Variants in NPHP1 observed in about 807,000 individuals in gnomAD.
NPHP1 encodes the protein nephrocystin-1.
In NPHP1, 70 loss-of-function variants were observed where a neutral mutation model predicts 90.4. The observed-to-expected ratio is 0.77, with a 90% CI of 0.64 to 0.95. The LOEUF (loss-of-function observed/expected upper bound fraction) is 0.95, where lower values mean the gene tolerates loss of function less well. NPHP1 is among the 40% of genes least tolerant of loss of function. The pLI, the probability that NPHP1 is intolerant of heterozygous loss-of-function variation, is 0.00. For missense variants in NPHP1, 764 were observed against 795.9 expected (o/e 0.96, Z 0.48); for synonymous variants, 256 against 271.7 (o/e 0.94, Z 0.57).
At chr2:110,168,241 G>A (rs1682850316) in intron 6 of NPHP1, among the ~76,000 whole-genome samples, 1 of 152,124 alleles carries the variant, frequency 6.6e-6, no homozygotes, top group African/African-American at 2.4e-5. Context: ...GTGAGATCAC[G>A]TTCCAGGGCT....
chr2:110,178,192 T>C (rs751638917), intron 4 of NPHP1: 6 of 534,818 alleles, frequency 1.1e-5, no homozygotes, highest in East Asian at 2.9e-5. Context: ...ATCTCTGTTT[T>C]GTTTCAACTA....
At chr2:110,152,934 A>G (rs10168630) in intron 11 of NPHP1, among the ~76,000 whole-genome samples, 58,700 of 151,744 alleles carry the variant, frequency 0.39, 12,111 homozygotes, top group East Asian at 0.58. Context: ...CCCAAATTTG[A>G]CAAAAGACAT....
intron 4 of NPHP1, among the ~76,000 whole-genome samples, chr2:110,170,746 C>T (rs1261453726): frequency 6.6e-6 from 1 of 151,938 alleles, no homozygotes; most frequent in Non-Finnish European, 1.5e-5. Flanking sequence ...ACCCAGGTTG[C>T]ACGAATGGGA....
chr2:110,138,450 G>C (rs1680375603), intron 16 of NPHP1, among the ~76,000 whole-genome samples: 1 of 152,094 alleles, frequency 6.6e-6, no homozygotes, highest in Admixed American at 6.6e-5. Flanking sequence ...TGATACATAA[G>C]GTCAGAAACT....
rs1203047173 is a variant in NPHP1 at position 110,135,426 on chromosome 2, G to A, written c.1530-3635C>T. Among the ~76,000 whole-genome samples, 2 of 133,812 alleles carry A rather than the reference G, an allele frequency of 1.5e-5. 1 individual carries two copies. Among genetic ancestry groups the A allele is most frequent in the East Asian group, 4.4e-4 (2 of 4,508 alleles). 87.8% of individuals were successfully genotyped at this position (133,812 alleles called of 152,430 possible). On this transcript the variant is annotated intron_variant, in intron 16 of 19. Transcript: ENST00000445609. ...CGGGAGGCGGAGCTTGCAGTGAGCC[G>A]AGATTGCGCCACCGCACTCCAACCT...
chr2:110,157,680 G>A (rs138225168), intron 11 of NPHP1, among the ~76,000 whole-genome samples: 12 of 152,064 alleles, frequency 7.9e-5, no homozygotes, highest in Admixed American at 1.3e-4. Flanking sequence ...ACCAAGCTTC[G>A]TTGATTTTTA....
At chr2:110,125,737 A>T in intron 18 of NPHP1, 56 bp from the exon 19 acceptor site, 1 of 1,387,594 alleles carries the variant, frequency 7.2e-7, no homozygotes, top group Non-Finnish European at 1.0e-6. Context: ...TCCTTGCAAC[A>T]CTTATGCAAA....
chr2:110,204,744 G>T (rs1207346671), intron 1 of NPHP1, among the ~76,000 whole-genome samples, 156 bp downstream of exon 1: 1 of 151,774 alleles, frequency 6.6e-6, no homozygotes, highest in Non-Finnish European at 1.5e-5. Context: ...TTGGGTGCTG[G>T]AATGTTATGG....
chr2:110,167,130 T>C (rs961911524), intron 6 of NPHP1, among the ~76,000 whole-genome samples: 2 of 152,148 alleles, frequency 1.3e-5, no homozygotes, highest in Non-Finnish European at 2.9e-5. Flanking sequence ...GAAAAACATG[T>C]ATTTGTTCTT....
At chr2:110,129,131 G>T in intron 18 of NPHP1, 55 bp downstream of exon 18, 1 of 1,308,742 alleles carries the variant, frequency 7.6e-7, no homozygotes, top group Non-Finnish European at 1.1e-6. Flanking sequence ...TTAACACAGA[G>T]TGTATAACTG....
intron 11 of NPHP1, among the ~76,000 whole-genome samples, chr2:110,158,697 T>C (rs972395513): frequency 6.6e-6 from 1 of 152,072 alleles, no homozygotes; most frequent in African/African-American, 2.4e-5. Context: ...GGTTTTCATT[T>C]GCATTTCCCT....
chr2:110,130,838 C>A (rs757033955), intron 17 of NPHP1, among the ~76,000 whole-genome samples: 1 of 152,174 alleles, frequency 6.6e-6, no homozygotes, highest in Non-Finnish European at 1.5e-5. Flanking sequence ...CCTTTCCTTA[C>A]CCTACACATT....
At chr2:110,173,514 G>A (rs1268253587) in intron 4 of NPHP1, among the ~76,000 whole-genome samples, 1 of 152,030 alleles carries the variant, frequency 6.6e-6, no homozygotes, top group Non-Finnish European at 1.5e-5. Flanking sequence ...TACAATGATG[G>A]CCCCATACAT....
At chr2:110,138,082 C>A (rs1225188475) in intron 16 of NPHP1, among the ~76,000 whole-genome samples, 1 of 151,918 alleles carries the variant, frequency 6.6e-6, no homozygotes, top group African/African-American at 2.4e-5. Flanking sequence ...AGACAAAAAA[C>A]CAAACACCGC....
intron 2 of NPHP1, among the ~76,000 whole-genome samples, chr2:110,190,168 C>T (rs1380349684): frequency 6.6e-6 from 1 of 152,216 alleles, no homozygotes; most frequent in Non-Finnish European, 1.5e-5. Context: ...CAGCTGGCTT[C>T]ACCCAGCAGA....
At chr2:110,164,185 A>C (rs1392448658) in intron 8 of NPHP1, 1 of 336,430 alleles carries the variant, frequency 3.0e-6, no homozygotes. Flanking sequence ...TACAGGCATG[A>C]GCCACCACAC....
chr2:110,161,834 T>C (rs566454502), intron 9 of NPHP1, 137 bp from the exon 10 acceptor site: 10 of 633,502 alleles, frequency 1.6e-5, no homozygotes, highest in East Asian at 8.4e-5. Flanking sequence ...CTTTCCAAAA[T>C]AGAAGCGCCA....
intron 2 of NPHP1, among the ~76,000 whole-genome samples, chr2:110,198,962 A>T (rs919165137): frequency 2.6e-5 from 4 of 152,084 alleles, no homozygotes; most frequent in African/African-American, 9.7e-5. Flanking sequence ...TTAACTAATT[A>T]AAAGGAATCT....
At chr2:110,198,063 A>C (rs1431469154) in intron 2 of NPHP1, among the ~76,000 whole-genome samples, 1 of 152,114 alleles carries the variant, frequency 6.6e-6, no homozygotes, top group African/African-American at 2.4e-5. Flanking sequence ...AAAAGGTAAC[A>C]AACTCTGAAC....
Sources: allele counts gnomAD v4.1 joint callset (sites outside exome capture counted in the v4.1 genomes callset), GRCh38; gene constraint gnomAD v4.1.1; transcripts MANE v1.5; gene names NCBI Gene and HGNC (gene_info 2026-07-23, HGNC 2026-07-21).